PLCH1: variants seen among roughly 807,000 people sequenced by gnomAD.
PLCH1 encodes the protein phospholipase C eta 1, also known as 1-phosphatidylinositol 4,5-bisphosphate phosphodiesterase eta-1.
A neutral mutation model predicts 126.7 loss-of-function variants in PLCH1; 60 were observed. The ratio of observed to expected loss-of-function variants is 0.47; its 90% CI spans 0.38 to 0.59. PLCH1 has a LOEUF of 0.59. PLCH1 is among the 20% of genes least tolerant of loss of function. The pLI is 0.00. For synonymous variants in PLCH1, 719 were observed against 734.9 expected, an observed-to-expected ratio of 0.98 and a Z score of 0.35; for missense variants, 1,723 against 2,040.0, an observed-to-expected ratio of 0.84 and a Z score of 2.99.
At chr3:155,485,324 G>T (rs1275626314) in intron 22 of PLCH1, 32 bp downstream of exon 22, 13 of 1,429,236 alleles carry the variant, frequency 9.1e-6, no homozygotes, top group Non-Finnish European at 1.2e-5. Flanking sequence ...GCCTAGAAGG[G>T]TTTATTCTCA....
At chr3:155,604,857 A>G (rs1734161370) in intron 2 of PLCH1, among the ~76,000 whole-genome samples, 1 of 152,230 alleles carries the variant, frequency 6.6e-6, no homozygotes, top group Admixed American at 6.5e-5. Flanking sequence ...GAGAATGATA[A>G]AAATCACTGT....
intron 2 of PLCH1, among the ~76,000 whole-genome samples, chr3:155,691,931 A>C (rs1745415765): frequency 6.6e-6 from 1 of 152,030 alleles, no homozygotes; most frequent in African/African-American, 2.4e-5. Flanking sequence ...GAGGTCAATT[A>C]GTGCTCAAAG....
At chr3:155,501,701 A>C (rs765187778) in intron 13 of PLCH1, among the ~76,000 whole-genome samples, 5 of 152,126 alleles carry the variant, frequency 3.3e-5, no homozygotes, top group Non-Finnish European at 5.9e-5. Flanking sequence ...AGGTGGAGGC[A>C]GAAGAATCGC....
chr3:155,491,169 G>A (rs1372834445), intron 18 of PLCH1, among the ~76,000 whole-genome samples: 1 of 152,228 alleles, frequency 6.6e-6, no homozygotes, highest in Non-Finnish European at 1.5e-5. Context: ...CACAAATGCT[G>A]AGAGCAGCTG....
At chr3:155,603,707 T>A (rs909519800) in intron 2 of PLCH1, among the ~76,000 whole-genome samples, 1 of 152,226 alleles carries the variant, frequency 6.6e-6, no homozygotes, top group Non-Finnish European at 1.5e-5. Context: ...TTCCAGTTCT[T>A]CTGAAAGCTT....
In PLCH1 at chr3:155,481,205, A is replaced by G; in HGVS notation, c.4821T>C (p.Leu1607=). Residue 1607 remains leucine, a synonymous_variant, in exon 23 of 23, where the codon CTT becomes CTC. Coordinates refer to ENST00000460012, the MANE Select transcript of PLCH1 (RefSeq NM_014996.4). This position sits in a 1 kb window ranked among gnomAD's most constrained non-coding sequence, Gnocchi z 4.2. ...GGGTGGGTGCTGAGGGTTTGTTTCT[A>G]AGAACCACTCCTGCCCCATTGCTGG... The part of the protein sequence containing the change: ...PNPSNGAGVV[L]RNKPSAPTPA... 1 of 1,614,164 alleles carries G rather than the reference A, an allele frequency of 6.2e-7. No individual in the cohort carries two copies. The highest frequency in any genetic ancestry group is 8.5e-7 in the Non-Finnish European group (1 of 1,180,014).
intron 10 of PLCH1, among the ~76,000 whole-genome samples, chr3:155,539,556 G>A (rs540874903): frequency 2.0e-5 from 3 of 152,214 alleles, no homozygotes; most frequent in African/African-American, 7.2e-5. Flanking sequence ...ATTCAGTAAA[G>A]TTTCAGGATA....
chr3:155,461,027 G>A (rs1712704560), intron 21 of PLCH1, among the ~76,000 whole-genome samples: 1 of 152,174 alleles, frequency 6.6e-6, no homozygotes, highest in African/African-American at 2.4e-5. Flanking sequence ...ATCAAAAGCA[G>A]CTCACCTTTA....
intron 2 of PLCH1, among the ~76,000 whole-genome samples, chr3:155,603,336 T>C (rs1733975932): frequency 6.6e-6 from 1 of 152,148 alleles, no homozygotes; most frequent in African/African-American, 2.4e-5. Flanking sequence ...GTAATGTTTG[T>C]CAAAAAGTAA....
Position 155,485,866 on chromosome 3 carries a change from T to G in PLCH1, c.2620-156A>C, listed in dbSNP as rs915022322. On this transcript the variant is annotated intron_variant, in intron 21 of 22. Transcript: ENST00000460012. ...AAGAAAGCAGCAGCTCACAGCATGT[T>G]TGCACAACTTCATGCACATCTTATC... 1.4e-4 allele frequency: 84 copies of G among 608,190 alleles called. 1 individual carries two copies. The highest frequency in any genetic ancestry group is 2.1e-4 in the Non-Finnish European group (72 of 344,652). 37.7% of individuals were successfully genotyped at this position (608,190 alleles called of 1,614,324 possible).
At chr3:155,494,287 G>T in intron 16 of PLCH1, 39 bp from the exon 17 acceptor site, 1 of 1,609,556 alleles carries the variant, frequency 6.2e-7, no homozygotes, top group Non-Finnish European at 8.5e-7. Flanking sequence ...AGGCAAGATG[G>T]TGGCATAGTG....
At chr3:155,677,911 T>C (rs1026679243) in intron 2 of PLCH1, among the ~76,000 whole-genome samples, 4 of 152,170 alleles carry the variant, frequency 2.6e-5, no homozygotes, top group African/African-American at 7.2e-5. Flanking sequence ...AAAAAGACAA[T>C]GGTGTTTTCT....
At chr3:155,512,057 C>T (rs1022971342) in intron 12 of PLCH1, among the ~76,000 whole-genome samples, 6 of 150,126 alleles carry the variant, frequency 4.0e-5, no homozygotes, top group African/African-American at 7.4e-5. Flanking sequence ...TCTCGTGGTG[C>T]GCCGTTTCTT....
At chr3:155,705,248 T>G (rs1049325340) in intron 1 of PLCH1, among the ~76,000 whole-genome samples, 1 of 152,238 alleles carries the variant, frequency 6.6e-6, no homozygotes, top group African/African-American at 2.4e-5. Context: ...TGTCTATTCA[T>G]TAATGGAACA....
intron 2 of PLCH1, among the ~76,000 whole-genome samples, chr3:155,606,142 T>C (rs1268648666): frequency 1.3e-5 from 2 of 152,020 alleles, no homozygotes; most frequent in East Asian, 1.9e-4. Context: ...GGCTTTATGC[T>C]TTTTTTTCTT....
chr3:155,511,706 C>T (rs1299907715), intron 12 of PLCH1, among the ~76,000 whole-genome samples: 6 of 142,602 alleles, frequency 4.2e-5, no homozygotes, highest in African/African-American at 8.2e-5. Context: ...GCAGTCTGCC[C>T]GTTCTCAGAT....
chr3:155,495,074 A>G (rs553167687), intron 15 of PLCH1, among the ~76,000 whole-genome samples: 1 of 152,348 alleles, frequency 6.6e-6, no homozygotes, highest in African/African-American at 2.4e-5. Flanking sequence ...AGAACTATGG[A>G]ACAAGTCAAA....
intron 10 of PLCH1, among the ~76,000 whole-genome samples, chr3:155,527,780 C>T (rs1447911143): frequency 4.0e-5 from 6 of 151,758 alleles, no homozygotes; most frequent in African/African-American, 1.5e-4. Context: ...ATTAGCCAGG[C>T]GTGGTGGTAA....
chr3:155,580,044 T>G (rs1444585380), intron 6 of PLCH1, among the ~76,000 whole-genome samples: 5 of 152,140 alleles, frequency 3.3e-5, no homozygotes, highest in African/African-American at 1.2e-4. Flanking sequence ...AAAACAAACA[T>G]GGAAAAACAT....
Sources: gnomAD v4.1 joint callset for allele counts (sites outside exome capture counted in the v4.1 genomes callset) on GRCh38, gnomAD v4.1.1 for gene constraint, Gnocchi (gnomAD v3.1) non-coding constraint, MANE v1.5 for transcripts, NCBI Gene and HGNC (gene_info 2026-07-23, HGNC 2026-07-21) for gene names.